Variants in RTN1 observed in about 807,000 individuals in gnomAD.
The protein encoded by RTN1 is reticulon 1.
In RTN1, 25 loss-of-function variants were observed where a neutral mutation model predicts 65.5. That is an observed-to-expected ratio of 0.38 (90% CI 0.28 to 0.53). The LOEUF (loss-of-function observed/expected upper bound fraction) is 0.53. Ranked by LOEUF, RTN1 falls within the 20% of genes least tolerant of loss-of-function variation. RTN1 has a pLI of 0.79. For synonymous variants in RTN1, 471 were observed against 447.6 expected (o/e 1.05, Z -0.66); for missense variants, 983 against 1,025.4 (o/e 0.96, Z 0.57).
chr14:59,749,733 T>TTA (rs1326624148), intron 1 of RTN1, among the ~76,000 whole-genome samples: 5 of 26,796 alleles, frequency 1.9e-4, no homozygotes, highest in Admixed American at 1.4e-3. Context: ...ATCTATATAT[T>TTA]TATATATATA....
At chr14:59,675,543 G>A (rs1479928189) in intron 3 of RTN1, among the ~76,000 whole-genome samples, 1 of 112,308 alleles carries the variant, frequency 8.9e-6, no homozygotes, top group Non-Finnish European at 1.9e-5. Flanking sequence ...CAATTAAATT[G>A]TAAAAATAAA....
At chr14:59,855,937 T>G (rs147997531) in intron 1 of RTN1, among the ~76,000 whole-genome samples, 2 of 152,348 alleles carry the variant, frequency 1.3e-5, no homozygotes, top group East Asian at 3.9e-4. Context: ...CAGTGATTAC[T>G]GTCTAAAAGT....
At chr14:59,661,232 T>C (rs1203144407) in intron 3 of RTN1, among the ~76,000 whole-genome samples, 1 of 118,746 alleles carries the variant, frequency 8.4e-6, no homozygotes, top group Admixed American at 1.2e-4. Flanking sequence ...GTTGTGAAAT[T>C]CAGGCAGTAA....
At chr14:59,749,270 A>ATATC (rs1885323490) in intron 1 of RTN1, among the ~76,000 whole-genome samples, 1 of 35,372 alleles carries the variant, frequency 2.8e-5, no homozygotes, top group Non-Finnish European at 4.5e-5. Context: ...ATATATCTAT[A>ATATC]TATATATCTA....
At chr14:59,602,663 A>T (rs12323770) in intron 8 of RTN1, among the ~76,000 whole-genome samples, 17,426 of 152,166 alleles carry the variant, frequency 0.11, 1,179 homozygotes, top group Non-Finnish European at 0.15. Context: ...AATGATTTTT[A>T]AAAAATTAGT....
chr14:59,621,752 T>G (rs1488871517), intron 3 of RTN1, among the ~76,000 whole-genome samples: 2 of 152,342 alleles, frequency 1.3e-5, no homozygotes, highest in African/African-American at 4.8e-5. Context: ...AATTTTTGTT[T>G]TGGTAAAAAT....
intron 1 of RTN1, among the ~76,000 whole-genome samples, chr14:59,785,917 G>T (rs1340382533): frequency 1.8e-4 from 27 of 152,156 alleles, no homozygotes; most frequent in Admixed American, 1.7e-3. Context: ...AGGCTTTAAA[G>T]GTTGAAACCC....
At chr14:59,722,787 A>C (rs1430689398) in intron 3 of RTN1, among the ~76,000 whole-genome samples, 1 of 149,518 alleles carries the variant, frequency 6.7e-6, no homozygotes, top group Non-Finnish European at 1.5e-5. Context: ...TTGAGTAGGG[A>C]ACTTTTAACT....
chr14:59,624,553 C>T (rs895176266), intron 3 of RTN1, among the ~76,000 whole-genome samples: 2 of 152,040 alleles, frequency 1.3e-5, no homozygotes, highest in Admixed American at 1.3e-4. Context: ...CCTCTGCCCC[C>T]TGGGTTCAAG....
intron 1 of RTN1, among the ~76,000 whole-genome samples, chr14:59,834,581 G>A (rs573248280): frequency 1.3e-4 from 20 of 152,070 alleles, no homozygotes; most frequent in Non-Finnish European, 2.1e-4. Flanking sequence ...GAAGATATAT[G>A]GCTAGCAAAG....
intron 2 of RTN1, among the ~76,000 whole-genome samples, chr14:59,732,284 A>C (rs956829787): frequency 6.6e-6 from 1 of 152,228 alleles, no homozygotes; most frequent in Non-Finnish European, 1.5e-5. Flanking sequence ...CTAGTTTAAA[A>C]GTTAATCCTG....
intron 4 of RTN1, 143 bp from the exon 5 acceptor site, chr14:59,605,649 G>C: frequency 2.7e-6 from 2 of 750,556 alleles, no homozygotes; most frequent in East Asian, 2.6e-5. Flanking sequence ...GCCAGCCAGT[G>C]AGGGCCACAG....
intron 1 of RTN1, among the ~76,000 whole-genome samples, chr14:59,863,478 CAT>C (rs1290669925): frequency 1.3e-5 from 2 of 152,192 alleles, no homozygotes; most frequent in African/African-American, 4.8e-5. Context: ...TTCCTCTTGA[CAT>C]ATATTTATCT....
chr14:59,796,749 G>A (rs1042080065), intron 1 of RTN1, among the ~76,000 whole-genome samples: 2 of 152,172 alleles, frequency 1.3e-5, no homozygotes, highest in African/African-American at 4.8e-5. Flanking sequence ...TCTGTAAACA[G>A]TAGAGGTACT....
chr14:59,692,104 A>G (rs1254928800), intron 3 of RTN1, among the ~76,000 whole-genome samples: 2 of 152,182 alleles, frequency 1.3e-5, no homozygotes. Context: ...AAAGAAAGAA[A>G]TAAAAGACAT....
At chr14:59,644,604 C>T (rs1882850860) in intron 3 of RTN1, among the ~76,000 whole-genome samples, 1 of 152,192 alleles carries the variant, frequency 6.6e-6, no homozygotes, top group African/African-American at 2.4e-5. Context: ...AGGAAAGGGG[C>T]TGAATCCAGG....
intron 1 of RTN1, among the ~76,000 whole-genome samples, chr14:59,785,032 G>A (rs796806837): frequency 8.5e-5 from 13 of 152,224 alleles, no homozygotes; most frequent in African/African-American, 3.1e-4. Flanking sequence ...AATTTAACTT[G>A]TTTTTATAGA....
At chr14:59,863,343 T>C (rs1887742510) in intron 1 of RTN1, among the ~76,000 whole-genome samples, 1 of 152,224 alleles carries the variant, frequency 6.6e-6, no homozygotes, top group South Asian at 2.1e-4. Context: ...TCATTTGCTC[T>C]AAAACCATTT....
rs1400430207 is a variant in RTN1 at position 59,794,310 on chromosome 14, G to C, written c.242-47829C>G. ...GTTAACAGAAACACGTCTAACCCAA[G>C]TATATTGTTAACTTATAGAGGAAGG... On this transcript the variant is annotated intron_variant, in intron 1 of 8. Transcript: ENST00000267484. This position sits in a 1 kb window ranked among gnomAD's most constrained non-coding sequence, Gnocchi z 5.1. 6.6e-6 allele frequency among the ~76,000 whole-genome samples: 1 copy of C among 152,140 alleles called. No individual in the cohort carries two copies. Among genetic ancestry groups the C allele is most frequent in the Non-Finnish European group, 1.5e-5 (1 of 68,028 alleles).
Sources: allele counts gnomAD v4.1 joint callset (sites outside exome capture counted in the v4.1 genomes callset), GRCh38; gene constraint gnomAD v4.1.1; non-coding constraint Gnocchi (gnomAD v3.1); transcripts MANE v1.5; gene names NCBI Gene and HGNC (gene_info 2026-07-23, HGNC 2026-07-21).